Variants in ZNF469 observed in about 807,000 individuals in gnomAD.
ZNF469 encodes zinc finger protein 469.
A neutral mutation model predicts 1.0 loss-of-function variants in ZNF469; 1 was observed. The observed-to-expected ratio is 1.00, with a 90% CI of 0.35 to 4.73. ZNF469 has a LOEUF of 4.73. Among genes scored for constraint, ZNF469 ranks in the 30% most tolerant of loss-of-function variants. The pLI, the probability that ZNF469 is intolerant of heterozygous loss-of-function variation, is 0.16. For missense variants in ZNF469, 6,100 were observed against 5,356.3 expected (o/e 1.14, Z -4.33); for synonymous variants, 2,703 against 2,363.4 (o/e 1.14, Z -4.17).
the ZNF469 span, among the ~76,000 whole-genome samples, chr16:88,148,823 G>T: frequency 6.6e-6 from 1 of 152,174 alleles, no homozygotes; most frequent in Admixed American, 6.5e-5. Flanking sequence ...CCTGAGTCCG[G>T]CATGGAGCTG....
the ZNF469 span, among the ~76,000 whole-genome samples, chr16:88,137,301 G>C: frequency 6.6e-6 from 1 of 152,210 alleles, no homozygotes; most frequent in South Asian, 2.1e-4. Context: ...ACAGCTGTGC[G>C]TACATACCAC....
chr16:88,248,747 C>T, the ZNF469 span, among the ~76,000 whole-genome samples: 201 of 152,266 alleles, frequency 1.3e-3, 1 homozygote, highest in African/African-American at 6.0e-4. Context: ...TTGCAGATGA[C>T]GAGACGGGTA....
chr16:88,214,221 C>T, the ZNF469 span, among the ~76,000 whole-genome samples: 1 of 152,220 alleles, frequency 6.6e-6, no homozygotes. Flanking sequence ...GAAGGATTCA[C>T]TGATAGCCTC....
Position 88,427,656 on chromosome 16 carries a change from G to A in ZNF469, c.186G>A (p.Glu62=), listed in dbSNP as rs770775791. ...GGQAQAMELP[E]AQPRQARDGE... ...AGGCCCAGGCCATGGAGCTCCCCGA[G>A]GCCCAGCCAAGGCAGGCCAGGGACG... Residue 62 remains glutamate, a synonymous_variant, in exon 3 of 3, where the codon GAG becomes GAA. Transcript: ENST00000565624. 4 of 1,536,976 alleles carry A rather than the reference G, an allele frequency of 2.6e-6. No homozygotes were observed. The highest frequency in any genetic ancestry group is 3.5e-6 in the Non-Finnish European group (4 of 1,145,764).
At chr16:88,311,001 C>T in the ZNF469 span, among the ~76,000 whole-genome samples, 3 of 152,352 alleles carry the variant, frequency 2.0e-5, no homozygotes, top group African/African-American at 7.2e-5. Context: ...ACCAGGACCA[C>T]ATCCGGATCC....
the ZNF469 span, among the ~76,000 whole-genome samples, chr16:88,213,680 A>G: frequency 6.6e-6 from 1 of 152,088 alleles, no homozygotes; most frequent in Non-Finnish European, 1.5e-5. Context: ...TGCCTTTCTG[A>G]GATTACCTCC....
the ZNF469 span, among the ~76,000 whole-genome samples, chr16:88,245,289 A>G: frequency 6.6e-6 from 1 of 152,206 alleles, no homozygotes; most frequent in African/African-American, 2.4e-5. Flanking sequence ...AGGATGATTA[A>G]GTAGAGGAGG....
rs1270280243 is a variant in ZNF469 at position 88,439,381 on chromosome 16, C to T, written c.*49C>T. Reference sequence around the variant, plus strand: ...CCGGAGCTGGGCGTTCCTGTCTCGGCCTGCCTCCTTGGCCAGCTCCGGCTC... The same window carrying T: ...CCGGAGCTGGGCGTTCCTGTCTCGGTCTGCCTCCTTGGCCAGCTCCGGCTC... On this transcript the variant is annotated 3_prime_UTR_variant, in exon 3 of 3. Coordinates refer to ENST00000565624, the MANE Select transcript of ZNF469 (RefSeq NM_001367624.2). The T allele has an allele frequency of 2.2e-5, 34 of 1,545,426 alleles. No individual in the cohort carries two copies. Among genetic ancestry groups the T allele is most frequent in the Non-Finnish European group, 2.3e-5 (26 of 1,143,358 alleles).
chr16:88,428,252 G>A lies in ZNF469; in HGVS notation c.782G>A (p.Gly261Asp). The change falls in exon 3 of 3, where the codon GGC (glycine) becomes GAC (aspartate). Residue 261 changes from glycine to aspartate, a missense_variant. By Grantham distance (94) the Gly-to-Asp change is moderately conservative (BLOSUM62 -1). Coordinates refer to ENST00000565624, the MANE Select transcript of ZNF469 (RefSeq NM_001367624.2). ...PPAEPEPIPK[G>D]SRPGGSPRGV... ...GCCGAGCCGGAACCTATTCCCAAAG[G>A]CAGCAGGCCCGGCGGCAGCCCCAGG... 6.5e-7 allele frequency: 1 copy of A among 1,550,350 alleles called. No individual in the cohort carries two copies. Among genetic ancestry groups the A allele is most frequent in the Non-Finnish European group, 8.7e-7 (1 of 1,146,936 alleles).
the ZNF469 span, among the ~76,000 whole-genome samples, chr16:88,174,682 A>T: frequency 6.7e-6 from 1 of 148,816 alleles, no homozygotes; most frequent in Non-Finnish European, 1.5e-5. Context: ...GATGACCTTT[A>T]CAATGATCTA....
At chr16:88,249,620 T>C in the ZNF469 span, among the ~76,000 whole-genome samples, 14 of 151,936 alleles carry the variant, frequency 9.2e-5, no homozygotes, top group Non-Finnish European at 1.6e-4. Flanking sequence ...ATATTTTTAG[T>C]AGAGACGGGA....
Position 88,433,697 on chromosome 16 carries a change from G to A in ZNF469, c.6227G>A (p.Arg2076Gln), listed in dbSNP as rs554464152. Reference protein sequence around the residue: ...LALALTAAHSRSGSEGRTPER... With the variant: ...LALALTAAHSQSGSEGRTPER... ...CTGGCCTTGACAGCAGCCCACAGCCGAAGTGGATCTGAGGGCCGGACTCCA... is the reference window on the plus strand; with the variant it reads ...CTGGCCTTGACAGCAGCCCACAGCCAAAGTGGATCTGAGGGCCGGACTCCA... The change falls in exon 3 of 3, where the codon CGA (arginine) becomes CAA (glutamine). Residue 2076 changes from arginine to glutamine, a missense_variant. Physicochemically the swap from Arg to Gln is conservative, Grantham distance 43 (BLOSUM62 1). Transcript: ENST00000565624. The A allele has an allele frequency of 3.4e-5, 53 of 1,549,352 alleles. No individual in the cohort carries two copies. Among genetic ancestry groups the A allele is most frequent in the African/African-American group, 3.4e-4 (25 of 73,146 alleles).
intron 1 of ZNF469, among the ~76,000 whole-genome samples, chr16:88,413,173 C>T (rs1009569651): frequency 1.3e-5 from 2 of 152,252 alleles, no homozygotes; most frequent in Non-Finnish European, 1.5e-5. Context: ...GGTCCCCGCA[C>T]GCACGTGATA....
At chr16:88,290,168 G>GC in the ZNF469 span, among the ~76,000 whole-genome samples, 1 of 152,242 alleles carries the variant, frequency 6.6e-6, no homozygotes, top group African/African-American at 2.4e-5. Context: ...GGCTTAGCAC[G>GC]CCAGCAGGAG....
chr16:88,399,203 C>T (rs1465328114), intron 1 of ZNF469, among the ~76,000 whole-genome samples: 4 of 152,236 alleles, frequency 2.6e-5, no homozygotes, highest in Non-Finnish European at 5.9e-5. Flanking sequence ...TGGCAGTCAT[C>T]TGAGGCTGGG....
the ZNF469 span, among the ~76,000 whole-genome samples, chr16:88,196,786 GC>G: frequency 2.0e-5 from 3 of 152,194 alleles, no homozygotes; most frequent in Non-Finnish European, 2.9e-5. Flanking sequence ...ACACAGCCAG[GC>G]CACACAGAGC....
intron 1 of ZNF469, among the ~76,000 whole-genome samples, chr16:88,411,870 C>T (rs1168990764): frequency 1.3e-5 from 2 of 148,388 alleles, no homozygotes; most frequent in African/African-American, 5.0e-5. Flanking sequence ...CCCCTTCTGC[C>T]CTTCAGCATT....
rs780044721 is a variant in ZNF469, at chr16:88,436,199, C to T, written c.8729C>T (p.Thr2910Met). 34 of 1,548,006 alleles carry T rather than the reference C, an allele frequency of 2.2e-5. No homozygotes were observed. The highest frequency in any genetic ancestry group is 1.9e-4 in the South Asian group (16 of 84,026). ...ACGCTGGGCCCAGCCCGCCTGCCCACGGACCTCAGCGACTCCAGCTCCCTC... is the reference window on the plus strand; with the variant it reads ...ACGCTGGGCCCAGCCCGCCTGCCCATGGACCTCAGCGACTCCAGCTCCCTC... ...DPTLGPARLP[T>M]DLSDSSSLCL... Residue 2910 changes from threonine (T) to methionine (M), a missense_variant, in exon 3 of 3, where the codon ACG (threonine) becomes ATG (methionine). Coordinates refer to ENST00000565624, the MANE Select transcript of ZNF469 (RefSeq NM_001367624.2).
At chr16:88,381,085 CGCACTCACACACCCGGACAT>C (rs1345515347), upstream of ZNF469, among the ~76,000 whole-genome samples, 201 of 146,846 alleles carry the variant, frequency 1.4e-3, 3 homozygotes, top group African/African-American at 4.8e-3. Context: ...CACTCACACA[CGCACTCACACACCCGGACAT>C]GCACTCGCAC....
Sources: allele counts gnomAD v4.1 joint callset (sites outside exome capture counted in the v4.1 genomes callset), GRCh38; gene constraint gnomAD v4.1.1; transcripts MANE v1.5; gene names NCBI Gene and HGNC (gene_info 2026-07-23, HGNC 2026-07-21).